CTPS2: variants seen among roughly 807,000 people sequenced by gnomAD.
CTPS2 encodes CTP synthase II.
In CTPS2, 19 loss-of-function variants were observed where a neutral mutation model predicts 46.8. That is an observed-to-expected ratio of 0.41 (90% CI 0.28 to 0.60). The LOEUF is 0.60. Among genes scored for constraint, CTPS2 ranks in the 20% least tolerant of loss-of-function variants. The pLI, the probability that CTPS2 is intolerant of heterozygous loss-of-function variation, is 0.35. For synonymous variants in CTPS2, 151 were observed against 165.2 expected (o/e 0.91, Z 0.66); for missense variants, 286 against 447.6 (o/e 0.64, Z 3.26).
In CTPS2 at chrX:16,690,371, C is replaced by CA. The variant is rs1229527802; in HGVS notation, c.721-771dup. Among the ~76,000 whole-genome samples the CA allele has an allele frequency of 9.7e-3, 898 of 92,881 alleles. 5 individuals carry two copies. Among genetic ancestry groups the CA allele is most frequent in the African/African-American group, 0.031 (781 of 25,525 alleles). The allele number at this position is 92,881 out of a possible 115,157, so 80.7% of individuals were successfully genotyped here. A position where few individuals can be genotyped will look rare whatever the true frequency, so the allele number is the denominator to read the frequency against. ...GGGTGACAATAGTGAAACTCTGTCT[C>CA]AAAAAAAAAAAAAGATTGGACGCAA... is the stretch of plus-strand genomic sequence containing the variant. On this transcript the variant is annotated intron_variant, in intron 7 of 18. Transcript: ENST00000359276.
chrX:16,626,972 T>C (rs1931190048), intron 14 of CTPS2: 1 of 114,007 alleles, frequency 8.8e-6, no homozygotes, highest in South Asian at 3.7e-4. Context: ...ATATCTCCTA[T>C]TTCCAGGGGG....
intron 10 of CTPS2, among the ~76,000 whole-genome samples, chrX:16,672,211 A>G (rs1487696167): frequency 9.0e-6 from 1 of 111,181 alleles, no homozygotes; most frequent in Non-Finnish European, 1.9e-5. Context: ...GCTATGGGTG[A>G]CAGAACTAGG....
chrX:16,707,133 G>A (rs1467030126), intron 1 of CTPS2, among the ~76,000 whole-genome samples: 1 of 111,439 alleles, frequency 9.0e-6, no homozygotes, highest in African/African-American at 3.3e-5. Flanking sequence ...ACAGTCATAA[G>A]GAAAATTTAT....
chrX:16,635,803 G>T (rs1931715219), intron 14 of CTPS2, among the ~76,000 whole-genome samples: 1 of 112,572 alleles, frequency 8.9e-6, no homozygotes, highest in African/African-American at 3.2e-5. Flanking sequence ...ACCTGTGGAA[G>T]ACAGTGCTGC....
chrX:16,664,116 A>G (rs182648882), intron 13 of CTPS2, among the ~76,000 whole-genome samples: 347 of 112,444 alleles, frequency 3.1e-3, no homozygotes, highest in African/African-American at 7.1e-3. Context: ...GATTATAGGC[A>G]TGAGCCACTG....
intron 14 of CTPS2, among the ~76,000 whole-genome samples, chrX:16,624,101 A>G (rs1225998463): frequency 9.0e-6 from 1 of 110,649 alleles, no homozygotes; most frequent in African/African-American, 3.3e-5. Context: ...CATCCCCTCA[A>G]TTCTTAAGAC....
rs748620326 is a variant in CTPS2 at position 16,699,083 on chromosome X, G to A, written c.177C>T (p.Phe59=). The A allele has an allele frequency of 1.1e-5, 13 of 1,148,531 alleles. No individual in the cohort carries two copies. Among genetic ancestry groups the A allele is most frequent in the African/African-American group, 9.2e-5 (5 of 54,355 alleles). 94.7% of individuals were successfully genotyped at this position (1,148,531 alleles called of 1,213,427 possible). ...TFSPYEHGEV[F]VLNDGGEVDL... is the part of the protein sequence containing the mutation. ...CAACTTCTCCACCATCATTTAAGAC[G>A]AAGACTTCACCTAGGATTAAAAAGG... is the stretch of plus-strand genomic sequence containing the variant. The change falls in exon 3 of 19, where the codon TTC becomes TTT. Residue 59 remains phenylalanine (F), a synonymous_variant. Coordinates refer to ENST00000359276, the MANE Select transcript of CTPS2 (RefSeq NM_175859.3).
chrX:16,662,733 C>T (rs1349474143), intron 13 of CTPS2, among the ~76,000 whole-genome samples: 2 of 104,828 alleles, frequency 1.9e-5, no homozygotes, highest in African/African-American at 3.5e-5. Context: ...CTTCTCACAT[C>T]GATACAAGTG....
intron 14 of CTPS2, among the ~76,000 whole-genome samples, chrX:16,627,949 G>A (rs1467206699): frequency 9.0e-6 from 1 of 111,620 alleles, no homozygotes; most frequent in East Asian, 2.8e-4. Context: ...TGGTCAAAGA[G>A]TCAGCTCAAT....
At chrX:16,693,934 AG>A (rs1178172668) in intron 4 of CTPS2, among the ~76,000 whole-genome samples, 12 of 111,801 alleles carry the variant, frequency 1.1e-4, no homozygotes, top group African/African-American at 3.9e-4. Context: ...TGGGAGGCCG[AG>A]GCGGGCGGAT....
At chrX:16,690,642 T>C (rs1923618224) in intron 7 of CTPS2, among the ~76,000 whole-genome samples, 1 of 111,823 alleles carries the variant, frequency 8.9e-6, no homozygotes, top group Non-Finnish European at 1.9e-5. Flanking sequence ...GCACCATTTA[T>C]ATCACTCTCT....
intron 14 of CTPS2, among the ~76,000 whole-genome samples, chrX:16,633,090 T>G (rs2017623): frequency 7.1e-4 from 57 of 80,595 alleles, no homozygotes; most frequent in Admixed American, 1.3e-3. Context: ...TTTTGTTTTT[T>G]TTTTTTTTTT....
intron 10 of CTPS2, among the ~76,000 whole-genome samples, chrX:16,673,979 CAAAAGT>C (rs1191905344): frequency 8.9e-6 from 1 of 111,769 alleles, no homozygotes; most frequent in Admixed American, 9.6e-5. Context: ...GGTTTTTCAC[CAAAAGT>C]AAAAGTTCCT....
Position 16,698,217 on chromosome X carries a change from A to T in CTPS2, c.438+19T>A, listed in dbSNP as rs777014430. 1.8e-6 allele frequency: 2 copies of T among 1,101,175 alleles called. No homozygotes were observed. Among genetic ancestry groups the T allele is most frequent in the South Asian group, 3.7e-5 (2 of 54,166 alleles). 90.7% of individuals were successfully genotyped at this position (1,101,175 alleles called of 1,213,427 possible). A position where few individuals can be genotyped will look rare whatever the true frequency, so the allele number is the denominator to read the frequency against. On this transcript the variant is annotated intron_variant, in intron 4 of 18. Transcript: ENST00000359276. ...AGACCCAGCAGGATATAATTTTATAAAGAAAGTTCTATGCTTGCCTCAATA... is the reference window on the plus strand; with the variant it reads ...AGACCCAGCAGGATATAATTTTATATAGAAAGTTCTATGCTTGCCTCAATA...
chrX:16,672,082 G>C (rs1486024267), intron 10 of CTPS2, among the ~76,000 whole-genome samples: 3 of 111,062 alleles, frequency 2.7e-5, no homozygotes, highest in Non-Finnish European at 5.7e-5. Flanking sequence ...CCTTCCTAAG[G>C]TTTAGGGGGT....
At chrX:16,679,719 T>TA (rs1476447930) in intron 9 of CTPS2, among the ~76,000 whole-genome samples, 1 of 110,949 alleles carries the variant, frequency 9.0e-6, no homozygotes, top group Non-Finnish European at 1.9e-5. Context: ...AGTGCCCCTA[T>TA]AAAAAAGGCC....
chrX:16,620,055 T>C (rs754158513), intron 15 of CTPS2, among the ~76,000 whole-genome samples: 42 of 111,179 alleles, frequency 3.8e-4, no homozygotes, highest in African/African-American at 1.3e-3. Flanking sequence ...AGATTTTGCC[T>C]TTGGAAAGCC....
chrX:16,650,540 G>A (rs1415473426), intron 13 of CTPS2, among the ~76,000 whole-genome samples: 6 of 90,001 alleles, frequency 6.7e-5, no homozygotes, highest in African/African-American at 8.7e-5. Flanking sequence ...TTTTTGCAGC[G>A]GAGGCTCGCT....
At chrX:16,627,907 T>G (rs1032934412) in intron 14 of CTPS2, among the ~76,000 whole-genome samples, 2 of 111,701 alleles carry the variant, frequency 1.8e-5, no homozygotes, top group Admixed American at 1.9e-4. Flanking sequence ...GCCTCTTCTT[T>G]GATTAAGGTC....
Sources: allele counts gnomAD v4.1 joint callset (sites outside exome capture counted in the v4.1 genomes callset), GRCh38; gene constraint gnomAD v4.1.1; transcripts MANE v1.5; gene names NCBI Gene and HGNC (gene_info 2026-07-23, HGNC 2026-07-21).